The following THSD7A variants were observed in gnomAD, a reference collection of about 807,000 sequenced individuals.
THSD7A encodes thrombospondin type-1 domain-containing protein 7A.
Under a neutral mutation model 231.3 loss-of-function variants are expected in THSD7A, and 96 were observed. The ratio of observed to expected loss-of-function variants is 0.41; its 90% CI spans 0.35 to 0.49. The LOEUF (loss-of-function observed/expected upper bound fraction) is 0.49, where lower values mean the gene tolerates loss of function less well. THSD7A is among the 20% of genes least tolerant of loss of function. The pLI, the probability that THSD7A is intolerant of heterozygous loss-of-function variation, is 0.05. For synonymous variants in THSD7A, 940 were observed against 743.3 expected (o/e 1.26, Z -4.30); for missense variants, 2,290 against 2,070.2 (o/e 1.11, Z -2.06).
chr7:11,449,982 T>C (rs1335885774), intron 11 of THSD7A, among the ~76,000 whole-genome samples: 2 of 152,116 alleles, frequency 1.3e-5, no homozygotes, highest in Non-Finnish European at 2.9e-5. Flanking sequence ...AATTAAAAAT[T>C]ACCAAACTAA....
chr7:11,654,768 C>T (rs751190553), intron 1 of THSD7A, among the ~76,000 whole-genome samples: 5 of 151,770 alleles, frequency 3.3e-5, no homozygotes, highest in Admixed American at 6.6e-5. Flanking sequence ...ACATGTCTTT[C>T]GCTTGATTGA....
Position 11,556,461 on chromosome 7 carries a change from A to C in THSD7A, c.1454-13344T>G, listed in dbSNP as rs532687265. Reference sequence around the variant, plus strand: ...ATCGTCTACGTATTTTTAGAATCATATCAGGTAGCAGTGTTATAATTTTTG... The same window carrying C: ...ATCGTCTACGTATTTTTAGAATCATCTCAGGTAGCAGTGTTATAATTTTTG... On this transcript the variant is annotated intron_variant, in intron 4 of 27. Transcript: ENST00000423059. 6.6e-5 allele frequency among the ~76,000 whole-genome samples: 10 copies of C among 151,950 alleles called. No individual in the cohort carries two copies. The South Asian group carries it at 2.1e-3, about 31-fold the overall frequency.
intron 6 of THSD7A, 134 bp from the exon 7 acceptor site, chr7:11,482,116 G>A: frequency 1.1e-6 from 1 of 920,750 alleles, no homozygotes; most frequent in Non-Finnish European, 1.6e-6. Flanking sequence ...GCCAAAAGAG[G>A]GATTGCCTAC....
chr7:11,470,940 T>C lies in THSD7A; in HGVS notation c.2253-946A>G, dbSNP rs569444993. On this transcript the variant is annotated intron_variant, in intron 8 of 27. Transcript: ENST00000423059. Reference sequence around the variant, plus strand: ...GCTGATGTATAGGTTTTAAATATACTGTCTTATTCAAAATATACTTAGTAT... The same window carrying C: ...GCTGATGTATAGGTTTTAAATATACCGTCTTATTCAAAATATACTTAGTAT... Among the ~76,000 whole-genome samples the C allele has an allele frequency of 1.1e-4, 16 of 152,068 alleles. No individual in the cohort carries two copies. The East Asian group carries it at 1.2e-3, about 11-fold the overall frequency.
At chr7:11,668,703 G>C (rs1396796475) in intron 1 of THSD7A, among the ~76,000 whole-genome samples, 1 of 152,148 alleles carries the variant, frequency 6.6e-6, no homozygotes, top group Admixed American at 6.6e-5. Context: ...TTTGGTGACA[G>C]TAAATGTAAG....
chr7:11,696,002 G>T (rs1157993543), intron 1 of THSD7A, among the ~76,000 whole-genome samples: 1 of 151,474 alleles, frequency 6.6e-6, no homozygotes, highest in East Asian at 2.0e-4. Flanking sequence ...TGCTAAATGT[G>T]TAAAGATTGT....
chr7:11,541,419 C>T lies in THSD7A; in HGVS notation c.1822G>A (p.Gly608Arg), dbSNP rs1789141152. Reference sequence around the variant, plus strand: ...AACATAATAGATACGTCTGTCTTACCATCACTGTTGATGCACACAACCTCT... The same window carrying T: ...AACATAATAGATACGTCTGTCTTACTATCACTGTTGATGCACACAACCTCT... ...VQEVVCINSD[G>R]EEVDRQLCRD... The change falls in exon 6 of 28, where the codon GGA (glycine) becomes AGA (arginine). Residue 608 changes from glycine to arginine, a missense_variant and splice_region_variant. Coordinates refer to ENST00000423059, the MANE Select transcript of THSD7A (RefSeq NM_015204.3). The T allele has an allele frequency of 2.9e-5, 47 of 1,613,798 alleles. No individual in the cohort carries two copies. Among genetic ancestry groups the T allele is most frequent in the Non-Finnish European group, 3.7e-5 (44 of 1,179,792 alleles).
intron 1 of THSD7A, among the ~76,000 whole-genome samples, chr7:11,684,180 A>G (rs28825374): frequency 0.036 from 5,392 of 151,876 alleles, 314 homozygotes; most frequent in African/African-American, 0.12. Flanking sequence ...ATAAAACCCA[A>G]CCTCCCTTCA....
intron 1 of THSD7A, among the ~76,000 whole-genome samples, chr7:11,727,795 G>A (rs1367616721): frequency 6.6e-6 from 1 of 151,942 alleles, no homozygotes; most frequent in Non-Finnish European, 1.5e-5. Flanking sequence ...ATATTTCTCT[G>A]AGGATACACC....
intron 1 of THSD7A, among the ~76,000 whole-genome samples, chr7:11,828,833 A>T (rs1785104707): frequency 6.6e-6 from 1 of 152,094 alleles, no homozygotes. Context: ...CTCTTGAACA[A>T]CATGATTTGA....
At chr7:11,817,527 C>T (rs567999366) in intron 1 of THSD7A, among the ~76,000 whole-genome samples, 1 of 152,136 alleles carries the variant, frequency 6.6e-6, no homozygotes, top group Non-Finnish European at 1.5e-5. Context: ...AGAAGCTTGA[C>T]ATTCATATGC....
At chr7:11,554,990 T>C (rs1401125261) in intron 4 of THSD7A, among the ~76,000 whole-genome samples, 1 of 152,012 alleles carries the variant, frequency 6.6e-6, no homozygotes, top group Non-Finnish European at 1.5e-5. Flanking sequence ...TTGTGTTTTT[T>C]CTTTTTTCTT....
chr7:11,394,545 A>G (rs922828701), intron 23 of THSD7A, among the ~76,000 whole-genome samples: 1 of 152,166 alleles, frequency 6.6e-6, no homozygotes, highest in East Asian at 1.9e-4. Flanking sequence ...GAGTAGGTAC[A>G]AGGGAGTGTA....
intron 4 of THSD7A, among the ~76,000 whole-genome samples, chr7:11,543,413 A>T (rs1789237726): frequency 6.6e-6 from 1 of 152,230 alleles, no homozygotes; most frequent in Non-Finnish European, 1.5e-5. Context: ...TAGTCTGCAA[A>T]ATATTCCTTA....
At position 11,411,869 on chromosome 7, in the gene THSD7A, T is replaced by C. The variant is rs1783798246; in HGVS notation, c.3683-547A>G. 6.6e-6 allele frequency among the ~76,000 whole-genome samples: 1 copy of C among 152,080 alleles called. No individual in the cohort carries two copies. The highest frequency in any genetic ancestry group is 1.5e-5 in the Non-Finnish European group (1 of 68,022). On this transcript the variant is annotated intron_variant, in intron 18 of 27. Coordinates refer to ENST00000423059, the MANE Select transcript of THSD7A (RefSeq NM_015204.3). This position sits in a 1 kb window ranked among gnomAD's most constrained non-coding sequence, Gnocchi z 4.1. ...TAAGAAGACATAAAAGACACCTCTTTCCCTGGGTAACATAGCACATCCCAG... is the reference window on the plus strand; with the variant it reads ...TAAGAAGACATAAAAGACACCTCTTCCCCTGGGTAACATAGCACATCCCAG...
At position 11,521,452 on chromosome 7, in the gene THSD7A, G is replaced by A. The variant is rs573317848; in HGVS notation, c.1822+19967C>T. On this transcript the variant is annotated intron_variant, in intron 6 of 27. Coordinates refer to ENST00000423059, the MANE Select transcript of THSD7A (RefSeq NM_015204.3). ...CACAAGCTTAGGGCACTGAGACAGG[G>A]CCACATTCTTTTTTATTTTTTTATT... 4.1e-5 allele frequency among the ~76,000 whole-genome samples: 6 copies of A among 144,908 alleles called. 1 individual carries two copies. In the East Asian group the frequency reaches 1.2e-3, roughly 29 times the overall value.
chr7:11,650,239 T>A (rs1347210221), intron 1 of THSD7A, among the ~76,000 whole-genome samples: 1 of 152,052 alleles, frequency 6.6e-6, no homozygotes, highest in Non-Finnish European at 1.5e-5. Flanking sequence ...CCAGTTTTGT[T>A]CTACTTTTTT....
At chr7:11,381,368 A>G (rs941515040) in intron 24 of THSD7A, among the ~76,000 whole-genome samples, 9 of 152,210 alleles carry the variant, frequency 5.9e-5, no homozygotes, top group African/African-American at 2.2e-4. Context: ...TTCACAAGAA[A>G]AAAATTGACA....
chr7:11,594,703 G>C (rs1053293371), intron 2 of THSD7A, among the ~76,000 whole-genome samples: 1 of 152,130 alleles, frequency 6.6e-6, no homozygotes, highest in Admixed American at 6.5e-5. Flanking sequence ...CTAACTCCTA[G>C]CTTCATAAGC....
Sources: allele counts gnomAD v4.1 joint callset (sites outside exome capture counted in the v4.1 genomes callset), GRCh38; gene constraint gnomAD v4.1.1; non-coding constraint Gnocchi (gnomAD v3.1); transcripts MANE v1.5; gene names NCBI Gene and HGNC (gene_info 2026-07-23, HGNC 2026-07-21).